ARID1B: variants seen among roughly 807,000 people sequenced by gnomAD.
ARID1B encodes the protein AT-rich interaction domain 1B, also known as AT-rich interactive domain-containing protein 1B.
A neutral mutation model predicts 212.3 loss-of-function variants in ARID1B; 30 were observed. The observed-to-expected ratio is 0.14, with a 90% CI of 0.11 to 0.19. The LOEUF is 0.19. Among genes scored for constraint, ARID1B ranks in the 10% least tolerant of loss-of-function variants. ARID1B has a pLI of 1.00. For synonymous variants in ARID1B, 1,402 were observed against 1,301.7 expected (o/e 1.08, Z -1.66); for missense variants, 2,891 against 3,204.0 (o/e 0.90, Z 2.36).
intron 2 of ARID1B, among the ~76,000 whole-genome samples, chr6:156,871,293 G>A (rs968514957): frequency 3.9e-5 from 6 of 152,208 alleles, no homozygotes; most frequent in African/African-American, 9.7e-5. Context: ...ACAGTGCCTG[G>A]CATCCAGTAG....
intron 4 of ARID1B, among the ~76,000 whole-genome samples, chr6:157,076,454 G>A (rs1784316464): frequency 6.6e-6 from 1 of 151,044 alleles, no homozygotes; most frequent in Non-Finnish European, 1.5e-5. Flanking sequence ...TTTTAAAGTT[G>A]CTAATTTATT....
At chr6:156,868,766 A>G (rs1238043570) in intron 2 of ARID1B, among the ~76,000 whole-genome samples, 2 of 152,264 alleles carry the variant, frequency 1.3e-5, no homozygotes, top group African/African-American at 2.4e-5. Context: ...ATTTAAGACA[A>G]TACAAAACAA....
intron 2 of ARID1B, among the ~76,000 whole-genome samples, chr6:156,880,739 CAAAAAAAAAAAAAAAAAAA>C (rs141153792): frequency 1.0e-4 from 9 of 86,996 alleles, no homozygotes; most frequent in Admixed American, 1.7e-4. Flanking sequence ...GACTCTGTCT[CAAAAAAAAAAAAAAAAAAA>C]AAAAAAGAAA....
In ARID1B at chr6:157,181,160, G is replaced by A. The variant is rs1285024781; in HGVS notation, c.3696G>A (p.Glu1232=). ...DLFRLYVCVK[E]IGGLAQVNKN... ...TCCGACTCTACGTCTGCGTCAAAGAGATCGGGGGTTTGGCCCAGGTAAGAA... is the reference window on the plus strand; with the variant it reads ...TCCGACTCTACGTCTGCGTCAAAGAAATCGGGGGTTTGGCCCAGGTAAGAA... The change falls in exon 12 of 20, where the codon GAG becomes GAA. Residue 1232 remains glutamate, a synonymous_variant. Transcript: ENST00000636930. 18 of 1,614,116 alleles carry A rather than the reference G, an allele frequency of 1.1e-5. No homozygotes were observed. The highest frequency in any genetic ancestry group is 1.4e-5 in the Non-Finnish European group (17 of 1,180,064).
intron 4 of ARID1B, among the ~76,000 whole-genome samples, chr6:157,046,712 A>G (rs1407746753): frequency 2.0e-5 from 3 of 152,214 alleles, no homozygotes; most frequent in African/African-American, 4.8e-5. Context: ...CCTTTCATTA[A>G]GTGAAGCCAG....
At chr6:156,936,222 A>G (rs1792196938) in intron 4 of ARID1B, 1 of 152,192 alleles carries the variant, frequency 6.6e-6, no homozygotes, top group South Asian at 2.1e-4. Context: ...CCTGCCTGTA[A>G]TCCCAGCTAC....
rs1361470444 is a variant in ARID1B at position 157,045,692 on chromosome 6, A to G, written c.2248-38970A>G. On this transcript the variant is annotated intron_variant, in intron 4 of 19. Transcript: ENST00000636930. ...AGCAAACAGTTTTTTTGAACTCATA[A>G]TCTTATGAACTCATATTACTTTTCA... Among the ~76,000 whole-genome samples, 4 of 152,236 alleles carry G rather than the reference A, an allele frequency of 2.6e-5. No individual in the cohort carries two copies. The East Asian group carries it at 7.7e-4, about 29-fold the overall frequency.
chr6:157,184,592 A>T (rs1043946527), intron 13 of ARID1B, 157 bp downstream of exon 13: 1 of 822,020 alleles, frequency 1.2e-6, no homozygotes, highest in Non-Finnish European at 1.9e-6. Flanking sequence ...TTGGACGCCC[A>T]CTGGCAGTGT....
intron 4 of ARID1B, among the ~76,000 whole-genome samples, chr6:156,986,020 C>G (rs1777895274): frequency 6.6e-6 from 1 of 151,634 alleles, no homozygotes; most frequent in Admixed American, 6.6e-5. Flanking sequence ...ATTTTTCTGT[C>G]AGTTTTTGTT....
At chr6:156,803,529 C>T (rs1434400105) in intron 1 of ARID1B, among the ~76,000 whole-genome samples, 5 of 152,064 alleles carry the variant, frequency 3.3e-5, no homozygotes, top group Admixed American at 2.6e-4. Flanking sequence ...CTTACCTTTG[C>T]CTTCGTTTTG....
rs1792068706 is a variant in ARID1B at position 156,934,948 on chromosome 6, A to ATATATATATATATATG, written c.2137-504_2137-503insTGTATATATATATATA. 4.4e-5 allele frequency among the ~76,000 whole-genome samples: 4 copies of ATATATATATATATATG among 91,420 alleles called. No individual in the cohort carries two copies. The South Asian group carries it at 1.2e-3, about 27-fold the overall frequency. The allele number at this position is 91,420 out of a possible 152,430, so 60.0% of individuals were successfully genotyped here. ...TATATATATATATATATATATATAT[A>ATATATATATATATATG]TATATATATATATAGTTTATATTTC... On this transcript the variant is annotated intron_variant, in intron 3 of 19. Transcript: ENST00000636930.
At chr6:157,155,828 C>G (rs985222548) in intron 8 of ARID1B, among the ~76,000 whole-genome samples, 2 of 152,106 alleles carry the variant, frequency 1.3e-5, no homozygotes, top group African/African-American at 4.8e-5. Flanking sequence ...TTGGAAGAAG[C>G]TGGGTCTATT....
chr6:156,879,892 T>C (rs906201442), intron 2 of ARID1B, among the ~76,000 whole-genome samples: 3 of 152,200 alleles, frequency 2.0e-5, no homozygotes, highest in African/African-American at 4.8e-5. Flanking sequence ...ATTCATGATA[T>C]TGGGAGAAAA....
chr6:157,072,080 T>G (rs890047031), intron 4 of ARID1B: 1 of 152,254 alleles, frequency 6.6e-6, no homozygotes, highest in Admixed American at 6.5e-5. Flanking sequence ...AACTTGATCT[T>G]ATCATTTCCT....
chr6:157,154,580 G>GTTTTTTTTTTTTTTTTTTT (rs1274752634), intron 8 of ARID1B, among the ~76,000 whole-genome samples: 2 of 111,566 alleles, frequency 1.8e-5, no homozygotes, highest in African/African-American at 3.6e-5. Flanking sequence ...TTTTTTTTTT[G>GTTTTTTTTTTTTTTTTTTT]TTTTTTTTTT....
intron 4 of ARID1B, among the ~76,000 whole-genome samples, chr6:156,968,584 G>C (rs1260790914): frequency 6.6e-6 from 1 of 152,190 alleles, no homozygotes; most frequent in Non-Finnish European, 1.5e-5. Context: ...CTTTGGTTCT[G>C]TACATGCTTT....
intron 1 of ARID1B, among the ~76,000 whole-genome samples, chr6:156,784,821 G>A (rs1450292912): frequency 2.6e-5 from 4 of 152,050 alleles, no homozygotes; most frequent in East Asian, 1.9e-4. Flanking sequence ...GTGCAGTGGC[G>A]CGATCTTGGC....
chr6:156,901,262 G>A (rs1187394061), intron 2 of ARID1B, 114 bp from the exon 3 acceptor site: 1 of 1,156,036 alleles, frequency 8.7e-7, no homozygotes, highest in South Asian at 1.3e-5. Context: ...TAGAAATATT[G>A]AGTTTAGTTG....
chr6:157,044,026 C>T (rs1001817421), intron 4 of ARID1B, among the ~76,000 whole-genome samples: 50 of 152,290 alleles, frequency 3.3e-4, no homozygotes, highest in African/African-American at 1.1e-3. Flanking sequence ...CTTGCTTCCA[C>T]GGATCTTACA....
Sources: gnomAD v4.1 joint callset for allele counts (sites outside exome capture counted in the v4.1 genomes callset) on GRCh38, gnomAD v4.1.1 for gene constraint, MANE v1.5 for transcripts, NCBI Gene and HGNC (gene_info 2026-07-23, HGNC 2026-07-21) for gene names.